The following SLC30A2 variants were observed in gnomAD, a reference collection of about 807,000 sequenced individuals.
SLC30A2 encodes the protein proton-coupled zinc antiporter SLC30A2.
In SLC30A2, 19 loss-of-function variants were observed where a neutral mutation model predicts 39.6. The ratio of observed to expected loss-of-function variants is 0.48; its 90% confidence interval spans 0.34 to 0.70. The LOEUF (loss-of-function observed/expected upper bound fraction) is 0.70, where lower values mean the gene tolerates loss of function less well. SLC30A2 is among the 30% of genes least tolerant of loss of function. The pLI, the probability that SLC30A2 is intolerant of heterozygous loss-of-function variation, is 0.01. For synonymous variants in SLC30A2, 195 were observed against 194.8 expected, an observed-to-expected ratio of 1.00 and a Z score of -0.01; for missense variants, 387 against 479.4, an observed-to-expected ratio of 0.81 and a Z score of 1.80.
chr1:26,043,411 C>A lies in SLC30A2; in HGVS notation c.559G>T (p.Ala187Ser), dbSNP rs199807670. 15 of 1,613,796 alleles carry A rather than the reference C, an allele frequency of 9.3e-6. No homozygotes were observed. The highest frequency in any genetic ancestry group is 1.3e-5 in the Non-Finnish European group (15 of 1,179,880). The change falls in exon 4 of 8, where the codon GCT becomes TCT. Residue 187 changes from alanine (A) to serine (S), a missense_variant. By Grantham distance (99) the Ala-to-Ser change is moderately conservative. Transcript: ENST00000374276. ...GGCCCCACTCACATGATGTTCACAG[C>A]CACAGCGCAGCCCGACGTGATCAGC... Reference protein sequence around the residue: ...TMLITSGCAVAVNIIMGLTLH... With the variant: ...TMLITSGCAVSVNIIMGLTLH...
intron 3 of SLC30A2, among the ~76,000 whole-genome samples, 173 bp from the exon 4 acceptor site, chr1:26,043,724 T>C (rs2050426760): frequency 6.6e-6 from 1 of 152,024 alleles, no homozygotes; most frequent in Non-Finnish European, 1.5e-5. Context: ...CCACCCCTCA[T>C]ATATCTAGGA....
In SLC30A2 at chr1:26,039,960, G is replaced by A. The variant is rs763047710; in HGVS notation, c.839-49C>T. On this transcript the variant is annotated intron_variant, in intron 6 of 7. Transcript: ENST00000374276. This position sits in a 1 kb window ranked among gnomAD's most constrained non-coding sequence, Gnocchi z 4.3. The stretch of plus-strand genomic sequence containing the variant: ...AACTAAAGGAAACTACCCCTCCCAC[G>A]CCTGCCCATTGGTGCAGGGCTGGCT... 1.8e-5 allele frequency: 29 copies of A among 1,608,540 alleles called. No individual in the cohort carries two copies. The highest frequency in any genetic ancestry group is 4.5e-5 in the East Asian group (2 of 44,808).
intron 6 of SLC30A2, among the ~76,000 whole-genome samples, chr1:26,041,354 G>A (rs1479873136): frequency 6.6e-6 from 1 of 152,188 alleles, no homozygotes; most frequent in African/African-American, 2.4e-5. Context: ...CTTCCTGAGA[G>A]AAGGCAGCCA....
chr1:26,040,926 C>A (rs1054722626), intron 6 of SLC30A2, among the ~76,000 whole-genome samples: 8 of 144,312 alleles, frequency 5.5e-5, no homozygotes, highest in South Asian at 2.2e-4. Flanking sequence ...ACCCCCCCCC[C>A]ATCTCTACAA....
At chr1:26,041,638 T>C in intron 6 of SLC30A2, 62 bp downstream of exon 6, 1 of 962,562 alleles carries the variant, frequency 1.0e-6, no homozygotes, top group Non-Finnish European at 1.7e-6. Flanking sequence ...ACACATACCC[T>C]ATTTGAGCTG....
chr1:26,041,850 C>T (rs749866456), intron 5 of SLC30A2, 45 bp from the exon 6 acceptor site: 2 of 1,128,958 alleles, frequency 1.8e-6, no homozygotes, highest in East Asian at 2.4e-5. Context: ...CCATCTAACA[C>T]CTCAGCTTCC....
intron 1 of SLC30A2, 150 bp downstream of exon 1, chr1:26,045,697 C>A: frequency 1.5e-6 from 2 of 1,322,334 alleles, no homozygotes; most frequent in African/African-American, 1.5e-5. Context: ...TGGGCCACAG[C>A]CCATTATCTT....
rs1363617230 is a variant in SLC30A2 at position 26,038,600 on chromosome 1, C to T, written c.*560G>A. On this transcript the variant is annotated 3_prime_UTR_variant, in exon 8 of 8. Coordinates refer to ENST00000374276, the MANE Select transcript of SLC30A2 (RefSeq NM_001004434.3). ...TCTCTTACCTAGTAAGAAGCCTCTCCCCTCCAGGAAAGGGAACATTTGGCT... is the reference window on the plus strand; with the variant it reads ...TCTCTTACCTAGTAAGAAGCCTCTCTCCTCCAGGAAAGGGAACATTTGGCT... 6.6e-6 allele frequency: 1 copy of T among 152,276 alleles called. No individual in the cohort carries two copies. Among genetic ancestry groups the T allele is most frequent in the Non-Finnish European group, 1.5e-5 (1 of 68,082 alleles). The allele number at this position is 152,276 out of a possible 1,614,324, so 9.4% of individuals were successfully genotyped here. A position where few individuals can be genotyped will look rare whatever the true frequency, so the allele number is the denominator to read the frequency against.
Position 26,039,919 on chromosome 1 carries a change from C to T in SLC30A2, c.839-8G>A, listed in dbSNP as rs199903821. ...CAACGCCCTTGGGGGTCCCTGAGGA[C>T]GGCAAGGACAGGGGAAACTAAAGGA... On this transcript the variant is annotated splice_region_variant and splice_polypyrimidine_tract_variant and intron_variant, in intron 6 of 7. Coordinates refer to ENST00000374276, the MANE Select transcript of SLC30A2 (RefSeq NM_001004434.3). This position sits in a 1 kb window ranked among gnomAD's most constrained non-coding sequence, Gnocchi z 4.3. 3.0e-4 allele frequency: 484 copies of T among 1,613,932 alleles called. 4 individuals are homozygous for T. The African/African-American group carries it at 5.6e-3, about 19-fold the overall frequency.
At chr1:26,040,011 A>G (rs2050379732) in intron 6 of SLC30A2, 100 bp from the exon 7 acceptor site, 1 of 1,361,974 alleles carries the variant, frequency 7.3e-7, no homozygotes, top group African/African-American at 1.4e-5. Context: ...TCATCCCCTC[A>G]AAGAAGACCT....
In SLC30A2 at chr1:26,042,839, T is replaced by A. The variant is rs956799382; in HGVS notation, c.573-131A>T. 6 of 785,168 alleles carry A rather than the reference T, an allele frequency of 7.6e-6. No homozygotes were observed. In the African/African-American group the frequency reaches 8.7e-5, roughly 11 times the overall value. The allele number at this position is 785,168 out of a possible 1,614,324, so 48.6% of individuals were successfully genotyped here. On this transcript the variant is annotated intron_variant, in intron 4 of 7. Coordinates refer to ENST00000374276, the MANE Select transcript of SLC30A2 (RefSeq NM_001004434.3). ...GTGATCTCTTTGGCCATGTGAGAAG[T>A]CCAACCCACGTGGCCTTGGTTCAGA...
At position 26,037,265 on chromosome 1, in the gene SLC30A2, G is replaced by A. The variant is rs1021930103; in HGVS notation, c.*1895C>T. The stretch of plus-strand genomic sequence containing the variant: ...TTTTTTTTTTTTAAGCTGGAGTCTC[G>A]CTCTGTCACCCAGGCTGGAGTGCAG... On this transcript the variant is annotated 3_prime_UTR_variant, in exon 8 of 8. Coordinates refer to ENST00000374276, the MANE Select transcript of SLC30A2 (RefSeq NM_001004434.3). 3 of 125,808 alleles carry A rather than the reference G, an allele frequency of 2.4e-5. No individual in the cohort carries two copies. Among genetic ancestry groups the A allele is most frequent in the Non-Finnish European group, 4.7e-5 (3 of 63,934 alleles). The allele number at this position is 125,808 out of a possible 1,614,324, so 7.8% of individuals were successfully genotyped here.
Position 26,045,966 on chromosome 1 carries a change from G to A in SLC30A2, c.-70C>T, listed in dbSNP as rs990654925. The A allele has an allele frequency of 6.3e-7, 1 of 1,591,852 alleles. No individual in the cohort carries two copies. Among genetic ancestry groups the A allele is most frequent in the African/African-American group, 1.3e-5 (1 of 74,252 alleles). On this transcript the variant is annotated 5_prime_UTR_variant, in exon 1 of 8. Coordinates refer to ENST00000374276, the MANE Select transcript of SLC30A2 (RefSeq NM_001004434.3). Reference sequence around the variant, plus strand: ...AGTGCGCCCTGAAAGTTGCGCGCGGGACTCCGGGTGGCGCTCACCCACCTG... The same window carrying A: ...AGTGCGCCCTGAAAGTTGCGCGCGGAACTCCGGGTGGCGCTCACCCACCTG...
rs2050374562 is a variant in SLC30A2 at position 26,039,480 on chromosome 1, T to C, written c.974-175A>G. The stretch of plus-strand genomic sequence containing the variant: ...AGCCTCCCAGCCCAGACCTGGCTCA[T>C]GCCTGAAAGAGCTGGTAAAGCACTG... On this transcript the variant is annotated intron_variant, in intron 7 of 7. Transcript: ENST00000374276. This position sits in a 1 kb window ranked among gnomAD's most constrained non-coding sequence, Gnocchi z 4.3. 6.6e-6 allele frequency among the ~76,000 whole-genome samples: 1 copy of C among 152,224 alleles called. No individual in the cohort carries two copies. The highest frequency in any genetic ancestry group is 6.5e-5 in the Admixed American group (1 of 15,286).
In SLC30A2 at chr1:26,044,452, G is replaced by A. The variant is rs370801163; in HGVS notation, c.272-8C>T. On this transcript the variant is annotated splice_region_variant and splice_polypyrimidine_tract_variant and intron_variant, in intron 2 of 7. Coordinates refer to ENST00000374276, the MANE Select transcript of SLC30A2 (RefSeq NM_001004434.3). The stretch of plus-strand genomic sequence containing the variant: ...TGTGTGCCAGGTACCCACCTGCAGG[G>A]TGGAGGGTCCTTATCAGCTCCCCCA... 1 of 1,612,726 alleles carries A rather than the reference G, an allele frequency of 6.2e-7. No individual in the cohort carries two copies. Among genetic ancestry groups the A allele is most frequent in the Admixed American group, 1.7e-5 (1 of 59,850 alleles).
chr1:26,039,904 G>C lies in SLC30A2; in HGVS notation c.846C>G (p.Pro282=). ...GAACAGCTGTGAAGTCAACGCCCTT[G>C]GGGGTCCCTGAGGACGGCAAGGACA... ...DVILVLMEGT[P]KGVDFTAVRD... Residue 282 remains proline (P), a synonymous_variant, in exon 7 of 8, where the codon CCC becomes CCG. Coordinates refer to ENST00000374276, the MANE Select transcript of SLC30A2 (RefSeq NM_001004434.3). The surrounding 1 kb of genome is among the most constrained non-coding windows in gnomAD (Gnocchi z 4.3). The C allele has an allele frequency of 6.2e-7, 1 of 1,613,980 alleles. No homozygotes were observed. Among genetic ancestry groups the C allele is most frequent in the Non-Finnish European group, 8.5e-7 (1 of 1,179,996 alleles).
In SLC30A2 at chr1:26,043,569, C is replaced by T. The variant is rs1433882590; in HGVS notation, c.419-18G>A. 2.5e-6 allele frequency: 4 copies of T among 1,610,114 alleles called. No homozygotes were observed. The highest frequency in any genetic ancestry group is 2.2e-5 in the East Asian group (1 of 44,662). Reference sequence around the variant, plus strand: ...CAAGATCTCTGAGGAAGAACCCAACCCCAACACCCACCTTGGCATGGGCCT... The same window carrying T: ...CAAGATCTCTGAGGAAGAACCCAACTCCAACACCCACCTTGGCATGGGCCT... On this transcript the variant is annotated intron_variant, in intron 3 of 7. Coordinates refer to ENST00000374276, the MANE Select transcript of SLC30A2 (RefSeq NM_001004434.3).
In SLC30A2 at chr1:26,043,493, C is replaced by T. The variant is rs2050423922; in HGVS notation, c.477G>A (p.Val159=). The change falls in exon 4 of 8, where the codon GTG becomes GTA. Residue 159 remains valine, a synonymous_variant. Coordinates refer to ENST00000374276, the MANE Select transcript of SLC30A2 (RefSeq NM_001004434.3). ...LSIWVVTGVL[V]YLAVERLISG... ...AGATCAGCCGCTCCACAGCCAGGTA[C>T]ACCAGTACCCCCGTCACGACCCAGA... is the stretch of plus-strand genomic sequence containing the variant. 2 of 1,614,160 alleles carry T rather than the reference C, an allele frequency of 1.2e-6. No individual in the cohort carries two copies. Among genetic ancestry groups the T allele is most frequent in the Non-Finnish European group, 1.7e-6 (2 of 1,180,022 alleles).
chr1:26,040,453 TAGCC>T lies in SLC30A2; in HGVS notation c.839-546_839-543del, dbSNP rs1245542290. On this transcript the variant is annotated intron_variant, in intron 6 of 7. Coordinates refer to ENST00000374276, the MANE Select transcript of SLC30A2 (RefSeq NM_001004434.3). ...TGGTAGAGACAGGGTTTCACTGTGT[TAGCC>T]AGGCTGGTCTTGAACTCCTGACCTC... is the stretch of plus-strand genomic sequence containing the variant. Among the ~76,000 whole-genome samples, 3 of 152,086 alleles carry T rather than the reference TAGCC, an allele frequency of 2.0e-5. No individual in the cohort carries two copies. In the East Asian group the frequency reaches 5.8e-4, roughly 29 times the overall value.
Sources: gnomAD v4.1 joint callset for allele counts (sites outside exome capture counted in the v4.1 genomes callset) on GRCh38, gnomAD v4.1.1 for gene constraint, Gnocchi (gnomAD v3.1) non-coding constraint, MANE v1.5 for transcripts, NCBI Gene and HGNC (gene_info 2026-07-23, HGNC 2026-07-21) for gene names.